Variants in PLCXD3 observed in about 807,000 individuals in gnomAD.
The protein encoded by PLCXD3 is phosphatidylinositol specific phospholipase C X domain containing 3.
Under a neutral mutation model 25.5 loss-of-function variants are expected in PLCXD3, and 19 were observed. That is an observed-to-expected ratio of 0.75 (90% CI 0.52 to 1.09). PLCXD3 has a LOEUF of 1.09. Ranked by LOEUF, PLCXD3 falls within the 50% of genes least tolerant of loss-of-function variation. The pLI, the probability that PLCXD3 is intolerant of heterozygous loss-of-function variation, is 0.00. For synonymous variants in PLCXD3, 174 were observed against 137.6 expected, an observed-to-expected ratio of 1.26 and a Z score of -1.85; for missense variants, 411 against 388.1, an observed-to-expected ratio of 1.06 and a Z score of -0.50.
chr5:41,420,890 A>G (rs1746804665), intron 1 of PLCXD3, among the ~76,000 whole-genome samples: 1 of 152,202 alleles, frequency 6.6e-6, no homozygotes, highest in Non-Finnish European at 1.5e-5. Context: ...ATGTGACCAT[A>G]TAACTCCATT....
chr5:41,413,514 A>C (rs1746614102), intron 1 of PLCXD3, among the ~76,000 whole-genome samples: 1 of 152,210 alleles, frequency 6.6e-6, no homozygotes, highest in Non-Finnish European at 1.5e-5. Flanking sequence ...GTTTTCAAAA[A>C]AATGGTCCTT....
chr5:41,323,638 T>C (rs1302909332), intron 2 of PLCXD3, among the ~76,000 whole-genome samples: 1 of 150,290 alleles, frequency 6.7e-6, no homozygotes, highest in Non-Finnish European at 1.5e-5. Flanking sequence ...AGAGCAACAC[T>C]AGGGGCAGAA....
chr5:41,501,901 TAG>T (rs1748959373), intron 1 of PLCXD3, among the ~76,000 whole-genome samples: 1 of 152,102 alleles, frequency 6.6e-6, no homozygotes, highest in Non-Finnish European at 1.5e-5. Context: ...GAAATGAGAT[TAG>T]TATGGACTAG....
chr5:41,490,619 A>G (rs1257882675), intron 1 of PLCXD3, among the ~76,000 whole-genome samples: 4 of 152,104 alleles, frequency 2.6e-5, no homozygotes, highest in Non-Finnish European at 4.4e-5. Context: ...AGATCCTGTT[A>G]TTGGTCTATT....
intron 1 of PLCXD3, among the ~76,000 whole-genome samples, chr5:41,485,339 G>C (rs1354569058): frequency 6.6e-6 from 1 of 152,164 alleles, no homozygotes; most frequent in Non-Finnish European, 1.5e-5. Context: ...TTCTACCAAA[G>C]AGGATGAGTT....
At chr5:41,323,133 T>C (rs1224499820) in intron 2 of PLCXD3, among the ~76,000 whole-genome samples, 2 of 152,020 alleles carry the variant, frequency 1.3e-5, no homozygotes, top group Non-Finnish European at 2.9e-5. Context: ...AAGACAAATA[T>C]CACACGTTGT....
chr5:41,346,127 C>T (rs900433366), intron 2 of PLCXD3, among the ~76,000 whole-genome samples: 11 of 152,146 alleles, frequency 7.2e-5, no homozygotes, highest in African/African-American at 2.2e-4. Flanking sequence ...GTGATCCGCC[C>T]GCCTCGGCCT....
chr5:41,321,326 G>A (rs1280523932), intron 2 of PLCXD3, among the ~76,000 whole-genome samples: 1 of 152,026 alleles, frequency 6.6e-6, no homozygotes, highest in African/African-American at 2.4e-5. Context: ...AATAAAAGAA[G>A]CAATCCCATT....
At chr5:41,488,350 C>T (rs1748569063) in intron 1 of PLCXD3, among the ~76,000 whole-genome samples, 3 of 130,208 alleles carry the variant, frequency 2.3e-5, no homozygotes, top group African/African-American at 3.2e-5. Flanking sequence ...TGGGTTGGTT[C>T]CAAGTCTTTG....
At chr5:41,507,132 CAG>C (rs1749065763) in intron 1 of PLCXD3, among the ~76,000 whole-genome samples, 1 of 152,154 alleles carries the variant, frequency 6.6e-6, no homozygotes, top group African/African-American at 2.4e-5. Flanking sequence ...ACCATGATTA[CAG>C]AGTTAGAACT....
chr5:41,418,051 A>G (rs2150505272), intron 1 of PLCXD3, among the ~76,000 whole-genome samples: 1 of 152,348 alleles, frequency 6.6e-6, no homozygotes, highest in Admixed American at 6.5e-5. Flanking sequence ...CAAAACATGT[A>G]ATTGCCTCTT....
chr5:41,479,064 G>C (rs1300244789), intron 1 of PLCXD3, among the ~76,000 whole-genome samples: 1 of 152,138 alleles, frequency 6.6e-6, no homozygotes, highest in Non-Finnish European at 1.5e-5. Context: ...TGAGGACACA[G>C]AGCCAAATCA....
At chr5:41,405,193 T>A (rs1004625531) in intron 1 of PLCXD3, among the ~76,000 whole-genome samples, 2 of 152,142 alleles carry the variant, frequency 1.3e-5, no homozygotes, top group Non-Finnish European at 2.9e-5. Flanking sequence ...TGAAGATATA[T>A]AAGGGTAGCT....
chr5:41,363,796 C>T (rs1435916668), intron 2 of PLCXD3, among the ~76,000 whole-genome samples: 1 of 152,190 alleles, frequency 6.6e-6, no homozygotes, highest in East Asian at 1.9e-4. Flanking sequence ...CTTAAAATTG[C>T]TTCAGTATCA....
rs550816820 is a variant in PLCXD3 at position 41,476,885 on chromosome 5, G to A, written c.103+33539C>T. ...TCAAGGCTTCAAGGCTTTTATAGGC[G>A]TCAAGAATGATTCTGGAGAGACATG... On this transcript the variant is annotated intron_variant, in intron 1 of 2. Coordinates refer to ENST00000377801, the MANE Select transcript of PLCXD3 (RefSeq NM_001005473.3). Among the ~76,000 whole-genome samples the A allele has an allele frequency of 1.2e-3, 181 of 152,254 alleles. 1 individual carries two copies. The highest frequency in any genetic ancestry group is 6.8e-3 in the Middle Eastern group (2 of 294).
chr5:41,485,436 G>A (rs575328931), intron 1 of PLCXD3, among the ~76,000 whole-genome samples: 3 of 152,120 alleles, frequency 2.0e-5, no homozygotes, highest in African/African-American at 7.2e-5. Flanking sequence ...GTATTCTTTG[G>A]TTGCTTTAAT....
chr5:41,394,529 A>G (rs1052649592), intron 1 of PLCXD3, among the ~76,000 whole-genome samples: 5 of 152,156 alleles, frequency 3.3e-5, no homozygotes, highest in African/African-American at 1.2e-4. Flanking sequence ...TGGTTAAATG[A>G]ATGGAAAAAC....
At chr5:41,446,148 G>C (rs1233606056) in intron 1 of PLCXD3, among the ~76,000 whole-genome samples, 3 of 129,970 alleles carry the variant, frequency 2.3e-5, no homozygotes, top group Non-Finnish European at 4.7e-5. Flanking sequence ...CAGCACTCCA[G>C]TCTGGGCGAC....
At chr5:41,451,064 G>T (rs898719450) in intron 1 of PLCXD3, among the ~76,000 whole-genome samples, 5 of 151,968 alleles carry the variant, frequency 3.3e-5, no homozygotes, top group African/African-American at 1.2e-4. Context: ...GTTTCCCCTG[G>T]TGTATGTGTC....
Sources: gnomAD v4.1 joint callset for allele counts (sites outside exome capture counted in the v4.1 genomes callset) on GRCh38, gnomAD v4.1.1 for gene constraint, MANE v1.5 for transcripts, NCBI Gene and HGNC (gene_info 2026-07-23, HGNC 2026-07-21) for gene names.